Variants in TACR3 observed in about 807,000 individuals in gnomAD.
TACR3 encodes tachykinin receptor 3.
In TACR3, 34 loss-of-function variants were observed where a neutral mutation model predicts 35.0. The observed-to-expected ratio is 0.97, with a 90% confidence interval of 0.74 to 1.30. The LOEUF (loss-of-function observed/expected upper bound fraction) is 1.30. Among genes scored for constraint, TACR3 ranks in the 50% most tolerant of loss-of-function variants. The pLI, the probability that TACR3 is intolerant of heterozygous loss-of-function variation, is 0.00. For missense variants in TACR3, 558 were observed against 591.7 expected (o/e 0.94, Z 0.59); for synonymous variants, 233 against 221.1 (o/e 1.05, Z -0.48).
intron 3 of TACR3, among the ~76,000 whole-genome samples, chr4:103,614,838 CAT>C (rs1491460529): frequency 7.0e-6 from 1 of 141,900 alleles, no homozygotes; most frequent in African/African-American, 2.6e-5. Context: ...AATTTATAAT[CAT>C]ATTTTAAATC....
intron 3 of TACR3, among the ~76,000 whole-genome samples, chr4:103,647,249 CAGAT>C (rs1480758645): frequency 6.6e-6 from 1 of 151,796 alleles, no homozygotes; most frequent in East Asian, 1.9e-4. Flanking sequence ...TAATTTTAAA[CAGAT>C]AGTTTCAATA....
intron 4 of TACR3, 29 bp downstream of exon 4, chr4:103,591,458 C>A (rs760181496): frequency 6.8e-6 from 11 of 1,612,252 alleles, no homozygotes; most frequent in Middle Eastern, 1.7e-4. Flanking sequence ...GTGTGACAAG[C>A]AACTTGCATT....
At chr4:103,644,548 G>A (rs917503320) in intron 3 of TACR3, among the ~76,000 whole-genome samples, 1 of 151,748 alleles carries the variant, frequency 6.6e-6, no homozygotes, top group African/African-American at 2.4e-5. Flanking sequence ...CAAAATATCT[G>A]AATGAAAAAT....
intron 3 of TACR3, among the ~76,000 whole-genome samples, chr4:103,624,867 T>C (rs1398986918): frequency 1.3e-5 from 2 of 152,182 alleles, no homozygotes; most frequent in Non-Finnish European, 2.9e-5. Flanking sequence ...ATTTGAATTA[T>C]AGGAAGAGGG....
chr4:103,719,113 C>A lies in TACR3; in HGVS notation c.548+15G>T. ...TCCCTTCTCCCTCTTTCCTCTCTGT[C>A]TGTCCTCTCCTCACCTGTCCACCGC... On this transcript the variant is annotated intron_variant, in intron 1 of 4. Coordinates refer to ENST00000304883, the MANE Select transcript of TACR3 (RefSeq NM_001059.3). The A allele has an allele frequency of 6.2e-7, 1 of 1,614,146 alleles. No homozygotes were observed.
intron 3 of TACR3, among the ~76,000 whole-genome samples, chr4:103,623,893 A>C (rs1412340116): frequency 1.3e-5 from 2 of 152,146 alleles, no homozygotes; most frequent in Non-Finnish European, 2.9e-5. Context: ...TTATATTCTG[A>C]ATAATGTAAA....
chr4:103,719,078 T>G, intron 1 of TACR3, 50 bp downstream of exon 1: 2 of 1,610,222 alleles, frequency 1.2e-6, no homozygotes, highest in South Asian at 1.1e-5. Flanking sequence ...CACCGCCCAG[T>G]TCTTTTCTTT....
intron 3 of TACR3, among the ~76,000 whole-genome samples, chr4:103,636,534 G>A (rs1036777167): frequency 1.3e-5 from 2 of 151,858 alleles, no homozygotes; most frequent in African/African-American, 2.4e-5. Context: ...ATACAATTCA[G>A]TGGTACTGGT....
chr4:103,710,041 C>G (rs1420726741), intron 1 of TACR3, among the ~76,000 whole-genome samples: 1 of 152,122 alleles, frequency 6.6e-6, no homozygotes, highest in East Asian at 1.9e-4. Context: ...GACTTTGACT[C>G]CCACACAATA....
At chr4:103,719,097 C>A (rs755987314) in intron 1 of TACR3, 31 bp downstream of exon 1, 2 of 1,613,582 alleles carry the variant, frequency 1.2e-6, no homozygotes, top group Non-Finnish European at 1.7e-6. Flanking sequence ...TTCCCTTCTC[C>A]CTCTTTCCTC....
intron 3 of TACR3, among the ~76,000 whole-genome samples, chr4:103,609,709 C>T (rs1056596773): frequency 2.6e-5 from 4 of 151,914 alleles, no homozygotes; most frequent in African/African-American, 4.8e-5. Context: ...CTTATTCTTC[C>T]TATCGAACTG....
Position 103,652,409 on chromosome 4 carries a change from G to A in TACR3, c.888+3785C>T, listed in dbSNP as rs558510550. On this transcript the variant is annotated intron_variant, in intron 3 of 4. Coordinates refer to ENST00000304883, the MANE Select transcript of TACR3 (RefSeq NM_001059.3). ...AATTGCTGTCCTTTCTCTCCCAAGG[G>A]CAAAGATTCTCTCTCCATGCCACAT... Among the ~76,000 whole-genome samples, 64 of 152,190 alleles carry A rather than the reference G, an allele frequency of 4.2e-4. No individual in the cohort carries two copies. In the Middle Eastern group the frequency reaches 0.01, roughly 24 times the overall value.
At chr4:103,672,593 G>A (rs77138958) in intron 1 of TACR3, among the ~76,000 whole-genome samples, 3,273 of 152,280 alleles carry the variant, frequency 0.021, 130 homozygotes, top group African/African-American at 0.074. Flanking sequence ...ATGAACAAAT[G>A]TGTCATCATC....
intron 3 of TACR3, among the ~76,000 whole-genome samples, chr4:103,602,790 T>G (rs1724240851): frequency 6.6e-6 from 1 of 152,172 alleles, no homozygotes; most frequent in Non-Finnish European, 1.5e-5. Context: ...GAGGTGTTAG[T>G]CCAGCCCTAC....
chr4:103,631,416 TA>T (rs923868454), intron 3 of TACR3, among the ~76,000 whole-genome samples: 1 of 152,138 alleles, frequency 6.6e-6, no homozygotes, highest in Non-Finnish European at 1.5e-5. Context: ...ATGTATATAA[TA>T]AAAAGCTTCC....
intron 1 of TACR3, among the ~76,000 whole-genome samples, 198 bp downstream of exon 1, chr4:103,718,930 T>C (rs566674317): frequency 6.6e-6 from 1 of 152,302 alleles, no homozygotes; most frequent in South Asian, 2.1e-4. Flanking sequence ...AGCTTGAGTG[T>C]TGGAGGCCAC....
chr4:103,624,559 T>C (rs1724849684), intron 3 of TACR3: 1 of 152,152 alleles, frequency 6.6e-6, no homozygotes, highest in South Asian at 2.1e-4. Context: ...TAGAAAATCA[T>C]AGCACTTTGG....
At chr4:103,651,668 C>T (rs932039973) in intron 3 of TACR3, among the ~76,000 whole-genome samples, 1 of 151,738 alleles carries the variant, frequency 6.6e-6, no homozygotes, top group Non-Finnish European at 1.5e-5. Context: ...GTGTTTTTCC[C>T]TATAGCCCCC....
chr4:103,633,577 A>G (rs1053633168), intron 3 of TACR3, among the ~76,000 whole-genome samples: 2 of 152,002 alleles, frequency 1.3e-5, no homozygotes, highest in African/African-American at 4.8e-5. Context: ...ACTCTTCCCC[A>G]CAAGTCCCCA....
Sources: allele counts gnomAD v4.1 joint callset (sites outside exome capture counted in the v4.1 genomes callset), GRCh38; gene constraint gnomAD v4.1.1; transcripts MANE v1.5; gene names NCBI Gene and HGNC (gene_info 2026-07-23, HGNC 2026-07-21).